NRG1: variants seen among roughly 807,000 people sequenced by gnomAD.
NRG1 encodes pro-neuregulin-1, membrane-bound isoform.
A neutral mutation model predicts 63.8 loss-of-function variants in NRG1; 18 were observed. That is an observed-to-expected ratio of 0.28 (90% CI 0.19 to 0.42). The LOEUF is 0.42. Among genes scored for constraint, NRG1 ranks in the 10% least tolerant of loss-of-function variants. NRG1 has a pLI of 1.00. For missense variants in NRG1, 762 were observed against 814.7 expected (o/e 0.94, Z 0.79); for synonymous variants, 302 against 301.3 (o/e 1.00, Z -0.02).
At chr8:32,594,938 G>A (rs1010094652) in intron 1 of NRG1, among the ~76,000 whole-genome samples, 2 of 152,110 alleles carry the variant, frequency 1.3e-5, no homozygotes, top group African/African-American at 2.4e-5. Context: ...AAGATTGATG[G>A]GTTTTCTGTG....
chr8:32,688,916 A>G (rs1810872429), intron 5 of NRG1, among the ~76,000 whole-genome samples: 1 of 152,112 alleles, frequency 6.6e-6, no homozygotes, highest in African/African-American at 2.4e-5. Context: ...TTTGAATTGC[A>G]TTTGTTCTTA....
intron 1 of NRG1, among the ~76,000 whole-genome samples, chr8:32,083,141 G>A (rs1827724654): frequency 6.6e-6 from 1 of 152,160 alleles, no homozygotes; most frequent in South Asian, 2.1e-4. Context: ...ACAGCTGCAT[G>A]AAAAGGCCAA....
intron 1 of NRG1, among the ~76,000 whole-genome samples, chr8:31,724,326 C>G (rs528096385): frequency 6.6e-6 from 1 of 152,158 alleles, no homozygotes; most frequent in East Asian, 1.9e-4. Context: ...AAGAGTTTGA[C>G]CCTGTCAGAA....
chr8:31,815,914 G>A (rs1823397326), intron 1 of NRG1, among the ~76,000 whole-genome samples: 1 of 151,648 alleles, frequency 6.6e-6, no homozygotes, highest in Non-Finnish European at 1.5e-5. Flanking sequence ...TGTTATTGAT[G>A]TTAAGCATCT....
chr8:32,431,658 A>C (rs1818165960), intron 1 of NRG1, among the ~76,000 whole-genome samples: 1 of 152,024 alleles, frequency 6.6e-6, no homozygotes, highest in African/African-American at 2.4e-5. Flanking sequence ...GTCTGTGCTT[A>C]TTTTGTGTTT....
At chr8:32,550,161 AT>A (rs754640571) in intron 1 of NRG1, among the ~76,000 whole-genome samples, 1 of 152,134 alleles carries the variant, frequency 6.6e-6, no homozygotes, top group Non-Finnish European at 1.5e-5. Flanking sequence ...ACCACTGGCC[AT>A]TCTTGTGCTT....
chr8:32,195,200 G>A (rs950639865), intron 1 of NRG1, among the ~76,000 whole-genome samples: 7 of 152,222 alleles, frequency 4.6e-5, no homozygotes, highest in Middle Eastern at 3.4e-3. Context: ...TTGGGAGGCT[G>A]AAGTGGGAGG....
At chr8:31,860,070 C>G (rs953915430) in intron 1 of NRG1, among the ~76,000 whole-genome samples, 1 of 152,142 alleles carries the variant, frequency 6.6e-6, no homozygotes, top group Non-Finnish European at 1.5e-5. Flanking sequence ...AAAATAAATA[C>G]AAGGCAGTAG....
chr8:31,787,287 G>T (rs929746801), intron 1 of NRG1, among the ~76,000 whole-genome samples: 1 of 152,176 alleles, frequency 6.6e-6, no homozygotes, highest in African/African-American at 2.4e-5. Flanking sequence ...GCATTTTAAA[G>T]ATGCATTTCA....
intron 1 of NRG1, among the ~76,000 whole-genome samples, chr8:32,214,326 A>G (rs951986945): frequency 6.6e-6 from 1 of 152,210 alleles, no homozygotes; most frequent in Non-Finnish European, 1.5e-5. Flanking sequence ...ATATATTTAA[A>G]CCATAGTTTT....
intron 1 of NRG1, among the ~76,000 whole-genome samples, chr8:31,885,040 G>A (rs942110426): frequency 1.3e-5 from 2 of 152,068 alleles, no homozygotes; most frequent in African/African-American, 4.8e-5. Context: ...AAGTAAATAA[G>A]CAACGAATAA....
chr8:32,770,245 T>A (rs1426774788), downstream of NRG1, among the ~76,000 whole-genome samples: 1 of 152,226 alleles, frequency 6.6e-6, no homozygotes, highest in Non-Finnish European at 1.5e-5. Context: ...CATTTTATAA[T>A]ATTTTTATGG....
chr8:31,646,004 T>C (rs748065866), intron 1 of NRG1, among the ~76,000 whole-genome samples: 1 of 152,192 alleles, frequency 6.6e-6, no homozygotes, highest in Non-Finnish European at 1.5e-5. Context: ...GTCATTATCA[T>C]ATGGACTAGC....
At chr8:32,722,741 T>C (rs1488813776) in intron 5 of NRG1, among the ~76,000 whole-genome samples, 1 of 152,194 alleles carries the variant, frequency 6.6e-6, no homozygotes, top group African/African-American at 2.4e-5. Flanking sequence ...GTCAGAAATA[T>C]TAAAGAATTA....
chr8:32,200,483 C>T (rs1240618689), intron 1 of NRG1, among the ~76,000 whole-genome samples: 2 of 152,066 alleles, frequency 1.3e-5, no homozygotes, highest in Non-Finnish European at 2.9e-5. Context: ...ACTTCCTCCC[C>T]ACCCCACCCC....
intron 1 of NRG1, among the ~76,000 whole-genome samples, chr8:32,522,464 C>T (rs984109324): frequency 6.6e-6 from 1 of 152,150 alleles, no homozygotes; most frequent in Non-Finnish European, 1.5e-5. Context: ...GGTGCCTCAC[C>T]TTTCTTCTTC....
chr8:32,411,846 A>AAAAATCAAAAT (rs143075360), intron 1 of NRG1, among the ~76,000 whole-genome samples: 1 of 151,956 alleles, frequency 6.6e-6, no homozygotes, highest in South Asian at 2.1e-4. Context: ...ATCTTATTCT[A>AAAAATCAAAAT]AAAATCAAAA....
chr8:31,712,995 AT>A lies in NRG1; in HGVS notation c.37+73565del. On this transcript the variant is annotated intron_variant, in intron 1 of 10. Coordinates refer to the NRG1 transcript ENST00000519301. ...TGTCCATCCATCCACCCATCCATCC[AT>A]CCATCCATCCATCCATCCATCCATC... 8.7e-5 allele frequency among the ~76,000 whole-genome samples: 6 copies of A among 68,836 alleles called. No individual in the cohort carries two copies. The South Asian group carries it at 2.4e-3, about 28-fold the overall frequency. The allele number at this position is 68,836 out of a possible 152,430, so 45.2% of individuals were successfully genotyped here. A position where few individuals can be genotyped will look rare whatever the true frequency, so the allele number is the denominator to read the frequency against.
chr8:31,852,158 G>C (rs999991142), intron 1 of NRG1, among the ~76,000 whole-genome samples: 1 of 152,082 alleles, frequency 6.6e-6, no homozygotes, highest in African/African-American at 2.4e-5. Context: ...GGTATTTCTA[G>C]TTCTAGATCC....
Sources: gnomAD v4.1 joint callset for allele counts (sites outside exome capture counted in the v4.1 genomes callset) on GRCh38, gnomAD v4.1.1 for gene constraint, MANE v1.5 for transcripts, NCBI Gene and HGNC (gene_info 2026-07-23, HGNC 2026-07-21) for gene names.